Variants in TRANK1 observed in about 807,000 individuals in gnomAD.
TRANK1 encodes TPR and ankyrin repeat-containing protein 1.
In TRANK1, 198 loss-of-function variants were observed where a neutral mutation model predicts 266.0. The observed-to-expected ratio is 0.74, with a 90% confidence interval of 0.66 to 0.84. TRANK1 has a LOEUF of 0.84. Among genes scored for constraint, TRANK1 ranks in the 40% least tolerant of loss-of-function variants. TRANK1 has a pLI of 0.00. For synonymous variants in TRANK1, 1,396 were observed against 1,384.1 expected (o/e 1.01, Z -0.19); for missense variants, 3,326 against 3,634.6 (o/e 0.92, Z 2.18).
chr3:36,855,868 A>T lies in TRANK1; in HGVS notation c.3854T>A (p.Ile1285Asn). The stretch of plus-strand genomic sequence containing the variant: ...CTCTTCATCCTCTTGCCAACTAGGA[A>T]TGGTTGACTCTTCCTGTGCAGACCA... ...IGWSAQEEST[I>N]PSWQEDEEEA... is the part of the protein sequence containing the mutation. Residue 1285 changes from isoleucine to asparagine, a missense_variant, in exon 13 of 24, where the codon ATT becomes AAT. Physicochemically the swap from Ile to Asn is moderately radical, Grantham distance 149. Transcript: ENST00000645898. 1 of 1,613,516 alleles carries T rather than the reference A, an allele frequency of 6.2e-7. No individual in the cohort carries two copies. Among genetic ancestry groups the T allele is most frequent in the Non-Finnish European group, 8.5e-7 (1 of 1,179,812 alleles).
At chr3:36,943,004 A>G (rs1313758409) in intron 1 of TRANK1, among the ~76,000 whole-genome samples, 1 of 152,162 alleles carries the variant, frequency 6.6e-6, no homozygotes, top group Admixed American at 6.5e-5. Flanking sequence ...AACATGGCGA[A>G]ACACCGTCTC....
chr3:36,855,548 A>G lies in TRANK1; in HGVS notation c.4174T>C (p.Tyr1392His). ...PNFKEDRSEIYSLFSLYQQIR... is the reference protein window; with the variant it reads ...PNFKEDRSEIHSLFSLYQQIR... ...TGCTGATACAGACTGAAGAGGCTGT[A>G]GATCTCACTCCGGTCTTCCTTGAAA... Residue 1392 changes from tyrosine to histidine, a missense_variant, in exon 13 of 24, where the codon TAC becomes CAC. Coordinates refer to ENST00000645898, the MANE Select transcript of TRANK1 (RefSeq NM_001329998.2). 1.2e-6 allele frequency: 2 copies of G among 1,613,942 alleles called. No individual in the cohort carries two copies. The highest frequency in any genetic ancestry group is 1.7e-6 in the Non-Finnish European group (2 of 1,179,882).
chr3:36,910,077 C>A (rs2080029916), intron 1 of TRANK1, among the ~76,000 whole-genome samples: 1 of 152,188 alleles, frequency 6.6e-6, no homozygotes, highest in Non-Finnish European at 1.5e-5. Flanking sequence ...TTATAAATAG[C>A]TTTCCACTGC....
chr3:36,890,049 A>G, intron 7 of TRANK1, 89 bp from the exon 8 acceptor site: 1 of 1,479,420 alleles, frequency 6.8e-7, no homozygotes. Flanking sequence ...ATTAAAAAGA[A>G]AGAAAGAAAA....
intron 1 of TRANK1, among the ~76,000 whole-genome samples, chr3:36,943,455 A>G (rs1464736186): frequency 6.6e-6 from 1 of 151,574 alleles, no homozygotes; most frequent in Non-Finnish European, 1.5e-5. Context: ...AGTGAATGCC[A>G]CACACACCTA....
At position 36,846,243 on chromosome 3, in the gene TRANK1, C is replaced by T; in HGVS notation, c.5191+5G>A. ...TCAGTTAAGAGTATTTTAACAGGAT[C>T]TTACCTTTATTTTCATCTGTCTTTA... On this transcript the variant is annotated splice_donor_5th_base_variant and intron_variant, in intron 17 of 23. Coordinates refer to ENST00000645898, the MANE Select transcript of TRANK1 (RefSeq NM_001329998.2). 6.3e-7 allele frequency: 1 copy of T among 1,576,462 alleles called. No individual in the cohort carries two copies. The highest frequency in any genetic ancestry group is 8.6e-7 in the Non-Finnish European group (1 of 1,159,974).
chr3:36,850,069 C>T (rs1335715112), intron 15 of TRANK1: 20 of 985,272 alleles, frequency 2.0e-5, no homozygotes, highest in Non-Finnish European at 2.3e-5. Context: ...ATTTACAGAT[C>T]CTTAAGTCCA....
chr3:36,934,224 G>A lies in TRANK1; in HGVS notation c.23+10563C>T, dbSNP rs535976601. 6.6e-5 allele frequency among the ~76,000 whole-genome samples: 10 copies of A among 152,316 alleles called. No homozygotes were observed. In the East Asian group the frequency reaches 1.7e-3, roughly 26 times the overall value. ...GAAGAGTCCCCTTGTGTTGGAAACT[G>A]AGATAGGAGGCTCCAGAGGGTTGCA... On this transcript the variant is annotated intron_variant, in intron 1 of 23. Coordinates refer to ENST00000645898, the MANE Select transcript of TRANK1 (RefSeq NM_001329998.2).
chr3:36,857,559 T>A lies in TRANK1; in HGVS notation c.2163A>T (p.Gly721=). 6.2e-7 allele frequency: 1 copy of A among 1,614,036 alleles called. No individual in the cohort carries two copies. The highest frequency in any genetic ancestry group is 8.5e-7 in the Non-Finnish European group (1 of 1,179,892). The change falls in exon 13 of 24, where the codon GGA becomes GGT. Residue 721 remains glycine (G), a synonymous_variant. Coordinates refer to ENST00000645898, the MANE Select transcript of TRANK1 (RefSeq NM_001329998.2). This position sits in a 1 kb window ranked among gnomAD's most constrained non-coding sequence, Gnocchi z 4.3. ...PGTQVTRKEP[G]ALRPCSLRDC... ...CTCTCAGCGAGCAGGGCCTGAGAGC[T>A]CCAGGCTCCTTCCTGGTCACCTGGG... is the stretch of plus-strand genomic sequence containing the variant.
Position 36,827,362 on chromosome 3 carries a change from G to C in TRANK1, c.*913C>G, listed in dbSNP as rs1308338433. ...GCAGGTCACCATCCCACAGTGATGA[G>C]CTCAGCAAGCAGAGACTCATCAGAA... On this transcript the variant is annotated 3_prime_UTR_variant, in exon 24 of 24. Coordinates refer to ENST00000645898, the MANE Select transcript of TRANK1 (RefSeq NM_001329998.2). 2.6e-5 allele frequency: 4 copies of C among 152,330 alleles called. No individual in the cohort carries two copies. The highest frequency in any genetic ancestry group is 4.8e-5 in the African/African-American group (2 of 41,462). 9.4% of individuals were successfully genotyped at this position (152,330 alleles called of 1,614,324 possible).
chr3:36,857,959 T>C lies in TRANK1; in HGVS notation c.1763A>G (p.Asp588Gly), dbSNP rs2125547308. The C allele has an allele frequency of 6.2e-7, 1 of 1,601,398 alleles. No homozygotes were observed. The highest frequency in any genetic ancestry group is 8.5e-7 in the Non-Finnish European group (1 of 1,179,748). ...GTGCATCAGCGTGTTCCCATTGCTGTCCTGGACATTGGGGTTGAGGTAGTC... is the reference window on the plus strand; with the variant it reads ...GTGCATCAGCGTGTTCCCATTGCTGCCCTGGACATTGGGGTTGAGGTAGTC... The part of the protein sequence containing the change: ...EFDYLNPNVQ[D>G]SNGNTLMHIL... Residue 588 changes from aspartate to glycine, a missense_variant, in exon 13 of 24, where the codon GAC becomes GGC. Transcript: ENST00000645898. The surrounding 1 kb of genome is among the most constrained non-coding windows in gnomAD (Gnocchi z 4.3).
At chr3:36,875,690 G>C (rs1434979320) in intron 8 of TRANK1, among the ~76,000 whole-genome samples, 2 of 152,154 alleles carry the variant, frequency 1.3e-5, no homozygotes, top group Non-Finnish European at 2.9e-5. Context: ...TCAACCCAAA[G>C]GACAATTAAA....
intron 18 of TRANK1, among the ~76,000 whole-genome samples, chr3:36,839,979 C>A (rs2078821491): frequency 6.6e-6 from 1 of 152,176 alleles, no homozygotes. Context: ...AAAATAAAGT[C>A]AGGTGAAGAG....
Position 36,861,105 on chromosome 3 carries a change from G to C in TRANK1, c.1296C>G (p.Phe432Leu). ...ATCTCTGTTTTTCCAATAAGAATTT[G>C]AAGACGGTGGTGGCACAGTCTTGAT... Reference protein sequence around the residue: ...DINQDCATTVFKFLLEKQRWP... With the variant: ...DINQDCATTVLKFLLEKQRWP... The change falls in exon 11 of 24, where the codon TTC becomes TTG. Residue 432 changes from phenylalanine to leucine, a missense_variant. Phe to Leu is a conservative substitution (Grantham distance 22, BLOSUM62 0). Transcript: ENST00000645898. 6.5e-7 allele frequency: 1 copy of C among 1,537,500 alleles called. No homozygotes were observed. Among genetic ancestry groups the C allele is most frequent in the Non-Finnish European group, 8.7e-7 (1 of 1,146,946 alleles).
At chr3:36,864,518 A>C in intron 9 of TRANK1, 38 bp from the exon 10 acceptor site, 1 of 1,490,542 alleles carries the variant, frequency 6.7e-7, no homozygotes, top group Non-Finnish European at 8.9e-7. Flanking sequence ...TGAATACAGA[A>C]ATTGCAGCTG....
At chr3:36,871,673 T>C (rs2079312143) in intron 9 of TRANK1, among the ~76,000 whole-genome samples, 2 of 151,928 alleles carry the variant, frequency 1.3e-5, no homozygotes, top group Admixed American at 6.6e-5. Flanking sequence ...AGAACACCCA[T>C]GAAAAGGAAA....
intron 1 of TRANK1, among the ~76,000 whole-genome samples, chr3:36,927,263 A>G (rs903857355): frequency 6.6e-6 from 1 of 152,244 alleles, no homozygotes; most frequent in Admixed American, 6.5e-5. Context: ...CTACACTCAC[A>G]TGCCAAAGAT....
intron 2 of TRANK1, among the ~76,000 whole-genome samples, chr3:36,907,354 T>C (rs999213515): frequency 1.3e-5 from 2 of 152,132 alleles, no homozygotes; most frequent in Non-Finnish European, 2.9e-5. Flanking sequence ...TTCACCATGT[T>C]GGCCAGGCTG....
intron 15 of TRANK1, among the ~76,000 whole-genome samples, chr3:36,847,834 A>G (rs2078936122): frequency 6.6e-6 from 1 of 152,230 alleles, no homozygotes; most frequent in South Asian, 2.1e-4. Context: ...ACAAATTTGT[A>G]TCTCAGTTCT....
Sources: gnomAD v4.1 joint callset for allele counts (sites outside exome capture counted in the v4.1 genomes callset) on GRCh38, gnomAD v4.1.1 for gene constraint, Gnocchi (gnomAD v3.1) non-coding constraint, MANE v1.5 for transcripts, NCBI Gene and HGNC (gene_info 2026-07-23, HGNC 2026-07-21) for gene names.